Variants in MDGA2 observed in about 807,000 individuals in gnomAD.
MDGA2 encodes the protein MAM domain-containing glycosylphosphatidylinositol anchor protein 2.
MDGA2 carries 40 observed loss-of-function variants against 117.8 expected under a neutral mutation model. That is an observed-to-expected ratio of 0.34 (90% CI 0.26 to 0.44). The LOEUF (loss-of-function observed/expected upper bound fraction) is 0.44, where lower values mean the gene tolerates loss of function less well. Among genes scored for constraint, MDGA2 ranks in the 20% least tolerant of loss-of-function variants. The pLI, the probability that MDGA2 is intolerant of heterozygous loss-of-function variation, is 1.00. For missense variants in MDGA2, 1,123 were observed against 1,250.6 expected (o/e 0.90, Z 1.54); for synonymous variants, 452 against 439.0 (o/e 1.03, Z -0.37).
intron 2 of MDGA2, among the ~76,000 whole-genome samples, chr14:47,284,520 C>A (rs983724244): frequency 6.6e-6 from 1 of 152,020 alleles, no homozygotes; most frequent in African/African-American, 2.4e-5. Flanking sequence ...GTACCCCAGC[C>A]GAAAGTTTTT....
chr14:47,119,319 C>T (rs1436950548), intron 5 of MDGA2, among the ~76,000 whole-genome samples: 1 of 152,060 alleles, frequency 6.6e-6, no homozygotes, highest in Non-Finnish European at 1.5e-5. Flanking sequence ...CCCGCCTCGG[C>T]CTCCCAAAGT....
chr14:47,187,088 C>A (rs1313102706), intron 3 of MDGA2, among the ~76,000 whole-genome samples: 2 of 151,568 alleles, frequency 1.3e-5, no homozygotes, highest in Admixed American at 6.6e-5. Context: ...GCAATTTTCC[C>A]AATTGTAAGA....
chr14:47,581,888 G>C (rs746976592), intron 1 of MDGA2, among the ~76,000 whole-genome samples: 1 of 151,838 alleles, frequency 6.6e-6, no homozygotes, highest in Non-Finnish European at 1.5e-5. Context: ...TTACATAGCT[G>C]TTTCCCTCAT....
chr14:46,995,598 A>G (rs1478047094), intron 8 of MDGA2, among the ~76,000 whole-genome samples: 4 of 152,164 alleles, frequency 2.6e-5, no homozygotes, highest in African/African-American at 7.2e-5. Flanking sequence ...TTATAAGAAA[A>G]TAAGTCTTGC....
chr14:47,657,031 TTCAG>T (rs1181136640), intron 1 of MDGA2, among the ~76,000 whole-genome samples: 1 of 152,176 alleles, frequency 6.6e-6, no homozygotes, highest in Admixed American at 6.6e-5. Context: ...AAGTTTTCAA[TTCAG>T]CCAAAGTCCC....
intron 1 of MDGA2, among the ~76,000 whole-genome samples, chr14:47,537,199 G>A (rs921671730): frequency 2.0e-5 from 3 of 150,278 alleles, no homozygotes; most frequent in African/African-American, 7.4e-5. Flanking sequence ...GCAAACTATC[G>A]CAAGGACAAA....
chr14:47,264,934 T>C (rs1887916278), intron 2 of MDGA2, among the ~76,000 whole-genome samples: 1 of 152,166 alleles, frequency 6.6e-6, no homozygotes, highest in South Asian at 2.1e-4. Flanking sequence ...AACTCCCACT[T>C]ATGTGTGAGA....
At chr14:46,882,382 A>T in intron 10 of MDGA2, among the ~76,000 whole-genome samples, 161 bp from the exon 11 acceptor site, 1 of 151,828 alleles carries the variant, frequency 6.6e-6, no homozygotes, top group East Asian at 1.9e-4. Flanking sequence ...ACAAATTTTG[A>T]GATGTTTGCA....
At chr14:47,015,519 A>T (rs956878014) in intron 8 of MDGA2, among the ~76,000 whole-genome samples, 2 of 151,978 alleles carry the variant, frequency 1.3e-5, no homozygotes, top group African/African-American at 4.8e-5. Context: ...AAACATGGGG[A>T]AGTGAAAACT....
intron 1 of MDGA2, among the ~76,000 whole-genome samples, chr14:47,628,276 CA>C (rs1897187749): frequency 6.6e-6 from 1 of 152,144 alleles, no homozygotes; most frequent in Non-Finnish European, 1.5e-5. Context: ...TAGCTCCTAT[CA>C]AAATGTGTAA....
Position 47,522,745 on chromosome 14 carries a change from G to A in MDGA2, c.280+151772C>T, listed in dbSNP as rs17118853. On this transcript the variant is annotated intron_variant, in intron 1 of 16. Coordinates refer to ENST00000399232, the MANE Select transcript of MDGA2 (RefSeq NM_001113498.3). Reference sequence around the variant, plus strand: ...GTTTATCCCTACTTTATAGTATTTCGAAAACCCATTATTCTCATACAGTAC... The same window carrying A: ...GTTTATCCCTACTTTATAGTATTTCAAAAACCCATTATTCTCATACAGTAC... Among the ~76,000 whole-genome samples the A allele has an allele frequency of 6.7e-3, 1,019 of 152,112 alleles. 15 individuals are homozygous for A. Among genetic ancestry groups the A allele is most frequent in the African/African-American group, 0.024 (975 of 41,488 alleles).
chr14:47,343,061 A>C (rs1890679747), intron 1 of MDGA2: 2 of 1,285,358 alleles, frequency 1.6e-6, no homozygotes, highest in African/African-American at 3.0e-5. Flanking sequence ...CCTGCGGCAG[A>C]TCCCAAGGGA....
intron 3 of MDGA2, among the ~76,000 whole-genome samples, chr14:47,196,646 A>G (rs1885297497): frequency 6.6e-6 from 1 of 152,224 alleles, no homozygotes; most frequent in African/African-American, 2.4e-5. Flanking sequence ...TTTAGGATTC[A>G]TGTATCATCA....
chr14:47,009,937 A>C (rs1033752485), intron 8 of MDGA2, among the ~76,000 whole-genome samples: 5 of 151,936 alleles, frequency 3.3e-5, no homozygotes, highest in African/African-American at 1.2e-4. Context: ...CTGAATCTTC[A>C]TGCATGCTGG....
In MDGA2 at chr14:47,079,557, A is replaced by G. The variant is rs73244997; in HGVS notation, c.1195+17297T>C. ...TTATTTAAAATTTGGCAAAAATTTT[A>G]GTGATAAGAATAGCCAAATTATCCC... On this transcript the variant is annotated intron_variant, in intron 6 of 16. Coordinates refer to ENST00000399232, the MANE Select transcript of MDGA2 (RefSeq NM_001113498.3). Among the ~76,000 whole-genome samples, 812 of 152,208 alleles carry G rather than the reference A, an allele frequency of 5.3e-3. 5 individuals carry two copies. Among genetic ancestry groups the G allele is most frequent in the African/African-American group, 0.018 (768 of 41,550 alleles).
At chr14:46,946,912 C>G (rs1057212490) in intron 9 of MDGA2, among the ~76,000 whole-genome samples, 1 of 152,036 alleles carries the variant, frequency 6.6e-6, no homozygotes, top group Admixed American at 6.6e-5. Context: ...CCCCTTATAT[C>G]CTCATAAGAC....
In MDGA2 at chr14:46,966,998, T is replaced by G. The variant is rs1389234736; in HGVS notation, c.1820-9355A>C. Among the ~76,000 whole-genome samples the G allele has an allele frequency of 2.0e-5, 3 of 151,038 alleles. No homozygotes were observed. The Admixed American group carries it at 2.0e-4, about 10-fold the overall frequency. ...TTTGCATTTATTTCTTGAAAAAAAA[T>G]GACAGTTTCAATGAGTACCAGAACT... On this transcript the variant is annotated intron_variant, in intron 8 of 16. Transcript: ENST00000399232.
At chr14:47,039,557 A>G (rs1442251297) in intron 7 of MDGA2, among the ~76,000 whole-genome samples, 1 of 152,146 alleles carries the variant, frequency 6.6e-6, no homozygotes, top group Non-Finnish European at 1.5e-5. Context: ...AAGCTTTATC[A>G]TCATAAACAG....
intron 8 of MDGA2, among the ~76,000 whole-genome samples, chr14:46,963,403 C>A (rs150732700): frequency 1.3e-5 from 2 of 152,176 alleles, no homozygotes; most frequent in Non-Finnish European, 2.9e-5. Flanking sequence ...CTTTCCTGTT[C>A]GAAAAACTTT....
Sources: gnomAD v4.1 joint callset for allele counts (sites outside exome capture counted in the v4.1 genomes callset) on GRCh38, gnomAD v4.1.1 for gene constraint, MANE v1.5 for transcripts, NCBI Gene and HGNC (gene_info 2026-07-23, HGNC 2026-07-21) for gene names.